Variants in PPP2R3B observed in about 807,000 individuals in gnomAD.
PPP2R3B encodes the protein protein phosphatase 2 regulatory subunit B''beta.
Under a neutral mutation model 72.9 loss-of-function variants are expected in PPP2R3B, and 68 were observed. That is an observed-to-expected ratio of 0.93 (90% CI 0.77 to 1.14). The LOEUF (loss-of-function observed/expected upper bound fraction) is 1.14, where lower values mean the gene tolerates loss of function less well. PPP2R3B is among the 50% of genes most tolerant of loss of function. The probability of loss-of-function intolerance (pLI) is 0.00; values close to 1 mark genes in which losing one functional copy is unlikely to be tolerated. For synonymous variants in PPP2R3B, 466 were observed against 375.8 expected (o/e 1.24, Z -2.78); for missense variants, 1,018 against 842.0 (o/e 1.21, Z -2.59).
rs976656025 is a variant in PPP2R3B, at chrX:361,025, G to A, written c.510+380C>T. The stretch of plus-strand genomic sequence containing the variant: ...ATGGCCGCTCCTCGGGCAGAAAGGG[G>A]CAAGGCCAGGAGGGTGCAGAACGGC... On this transcript the variant is annotated intron_variant, in intron 2 of 12. Transcript: ENST00000390665. Among the ~76,000 whole-genome samples, 6 of 152,326 alleles carry A rather than the reference G, an allele frequency of 3.9e-5. No homozygotes were observed. In the South Asian group the frequency reaches 1.0e-3, roughly 26 times the overall value.
intron 1 of PPP2R3B, among the ~76,000 whole-genome samples, chrX:378,953 T>C (rs972492548): frequency 6.6e-6 from 1 of 152,208 alleles, no homozygotes; most frequent in African/African-American, 2.4e-5. Context: ...GGGTTCTAGG[T>C]GCTTTTGTCT....
chrX:370,322 C>T (rs917866705), intron 1 of PPP2R3B, among the ~76,000 whole-genome samples: 14 of 152,152 alleles, frequency 9.2e-5, no homozygotes, highest in Admixed American at 5.9e-4. Flanking sequence ...TGACTGCAGC[C>T]GAGCAACCGG....
At chrX:346,575 C>T in intron 5 of PPP2R3B, 126 bp downstream of exon 5, 1 of 922,334 alleles carries the variant, frequency 1.1e-6, no homozygotes, top group Non-Finnish European at 1.6e-6. Context: ...CAGAGCGCGG[C>T]CGCCTCCTCC....
intron 7 of PPP2R3B, 114 bp from the exon 8 acceptor site, chrX:342,045 G>C: frequency 7.3e-7 from 1 of 1,372,336 alleles, no homozygotes; most frequent in South Asian, 1.2e-5. Context: ...AGGACGCCTG[G>C]GTCTGGGAGA....
At chrX:361,055 G>A (rs763058924) in intron 2 of PPP2R3B, among the ~76,000 whole-genome samples, 11 of 152,306 alleles carry the variant, frequency 7.2e-5, no homozygotes, top group East Asian at 1.9e-4. Flanking sequence ...AACGGCCTCC[G>A]AGAGCCACGA....
Position 334,521 on chromosome X carries a change from C to A in PPP2R3B, c.1578-4G>T. On this transcript the variant is annotated splice_polypyrimidine_tract_variant and splice_region_variant and intron_variant, in intron 12 of 12. Transcript: ENST00000390665. ...AGGGCTGAGCTCGGCCTCGAACCTG[C>A]AACGAGGGGATGGCGAAGACGTGGC... is the stretch of plus-strand genomic sequence containing the variant. 1.3e-6 allele frequency: 2 copies of A among 1,533,328 alleles called. No individual in the cohort carries two copies. Among genetic ancestry groups the A allele is most frequent in the South Asian group, 1.2e-5 (1 of 82,710 alleles). The allele number at this position is 1,533,328 out of a possible 1,614,324, so 95.0% of individuals were successfully genotyped here. A position where few individuals can be genotyped will look rare whatever the true frequency, so the allele number is the denominator to read the frequency against.
intron 7 of PPP2R3B, 81 bp from the exon 8 acceptor site, chrX:342,012 G>A (rs1192037627): frequency 3.2e-5 from 50 of 1,543,710 alleles, no homozygotes; most frequent in Non-Finnish European, 4.4e-5. Context: ...GAGACTGGAT[G>A]CGGTGGGGAC....
intron 1 of PPP2R3B, among the ~76,000 whole-genome samples, chrX:385,100 G>A (rs1288518325): frequency 1.3e-5 from 2 of 151,522 alleles, no homozygotes; most frequent in East Asian, 3.9e-4. Flanking sequence ...TTTTGACCTA[G>A]GGGGCCTAAC....
intron 10 of PPP2R3B, among the ~76,000 whole-genome samples, chrX:339,257 G>C: frequency 9.2e-6 from 1 of 108,750 alleles, no homozygotes; most frequent in South Asian, 3.4e-4. Flanking sequence ...TGAGCAGCAG[G>C]AGGCGCCCCA....
chrX:371,615 A>G (rs1351307476), intron 1 of PPP2R3B, among the ~76,000 whole-genome samples: 1 of 151,890 alleles, frequency 6.6e-6, no homozygotes, highest in African/African-American at 2.4e-5. Flanking sequence ...CCGTCAGAGG[A>G]CCCCTGAAAA....
chrX:369,510 A>T (rs1261108716), intron 1 of PPP2R3B, among the ~76,000 whole-genome samples: 1 of 152,108 alleles, frequency 6.6e-6, no homozygotes, highest in Admixed American at 6.5e-5. Context: ...ACACGTCCAT[A>T]TACGACCAAA....
At chrX:376,045 G>C (rs989564647) in intron 1 of PPP2R3B, among the ~76,000 whole-genome samples, 1 of 152,148 alleles carries the variant, frequency 6.6e-6, no homozygotes, top group African/African-American at 2.4e-5. Context: ...TACAAAATTA[G>C]CTGGGCATGG....
chrX:334,658 C>A (rs1017906041), intron 12 of PPP2R3B, 141 bp from the exon 13 acceptor site: 40 of 994,792 alleles, frequency 4.0e-5, no homozygotes, highest in Non-Finnish European at 5.0e-5. Flanking sequence ...AGCCGCTGAG[C>A]CAGCAACGCG....
intron 7 of PPP2R3B, among the ~76,000 whole-genome samples, chrX:344,574 C>CG (rs2071155966): frequency 6.6e-6 from 1 of 152,222 alleles, no homozygotes; most frequent in Admixed American, 6.5e-5. Flanking sequence ...CGCGCCGGGC[C>CG]GGGGGTTCAC....
chrX:347,638 T>C lies in PPP2R3B; in HGVS notation c.566A>G (p.Glu189Gly). The C allele has an allele frequency of 6.4e-7, 1 of 1,572,096 alleles. No homozygotes were observed. Among genetic ancestry groups the C allele is most frequent in the Non-Finnish European group, 8.6e-7 (1 of 1,158,762 alleles). ...KGPLFYGAGGERTGSVSVHKF... is the reference protein window; with the variant it reads ...KGPLFYGAGGGRTGSVSVHKF... The stretch of plus-strand genomic sequence containing the variant: ...GTGGACGGACACGGAGCCCGTGCGC[T>C]CCCCGCCGGCGCCATAGAAGAGCGG... The change falls in exon 3 of 13, where the codon GAG (glutamate) becomes GGG (glycine). Residue 189 changes from glutamate (E) to glycine (G), a missense_variant. Glu to Gly is a moderately conservative substitution (Grantham distance 98). Coordinates refer to ENST00000390665, the MANE Select transcript of PPP2R3B (RefSeq NM_013239.5).
chrX:359,152 G>T (rs1320207979), intron 2 of PPP2R3B, among the ~76,000 whole-genome samples: 1 of 152,258 alleles, frequency 6.6e-6, no homozygotes, highest in Admixed American at 6.5e-5. Flanking sequence ...GACCCTGTGG[G>T]TGGGGCCGGG....
chrX:361,670 C>CT, intron 1 of PPP2R3B, 80 bp from the exon 2 acceptor site: 1 of 1,542,558 alleles, frequency 6.5e-7, no homozygotes, highest in African/African-American at 1.4e-5. Context: ...CACGGGGCCT[C>CT]TCTAGGGCCG....
At chrX:340,995 C>T in intron 9 of PPP2R3B, 55 bp from the exon 10 acceptor site, 1 of 1,572,666 alleles carries the variant, frequency 6.4e-7, no homozygotes, top group South Asian at 1.2e-5. Context: ...AGCCCGTGAC[C>T]TGCAGCCCCT....
intron 1 of PPP2R3B, among the ~76,000 whole-genome samples, chrX:381,495 G>A (rs1392802796): frequency 2.0e-5 from 3 of 151,280 alleles, no homozygotes; most frequent in South Asian, 2.1e-4. Context: ...CCCCAGCATC[G>A]CCCCTCCCCA....
Sources: allele counts gnomAD v4.1 joint callset (sites outside exome capture counted in the v4.1 genomes callset), GRCh38; gene constraint gnomAD v4.1.1; transcripts MANE v1.5; gene names NCBI Gene and HGNC (gene_info 2026-07-23, HGNC 2026-07-21).